BCL2L1: variants seen among roughly 807,000 people sequenced by gnomAD.
BCL2L1 encodes BCL2 like 1, also known as bcl-2-like protein 1.
A neutral mutation model predicts 18.7 loss-of-function variants in BCL2L1; 1 was observed. That is an observed-to-expected ratio of 0.05 (90% CI 0.02 to 0.25). The LOEUF is 0.25. Among genes scored for constraint, BCL2L1 ranks in the 10% least tolerant of loss-of-function variants. The pLI, the probability that BCL2L1 is intolerant of heterozygous loss-of-function variation, is 1.00. For missense variants in BCL2L1, 207 were observed against 304.9 expected, an observed-to-expected ratio of 0.68 and a Z score of 2.39; for synonymous variants, 103 against 122.7, an observed-to-expected ratio of 0.84 and a Z score of 1.06.
chr20:31,694,010 A>G (rs1436111081), intron 2 of BCL2L1, among the ~76,000 whole-genome samples: 1 of 152,130 alleles, frequency 6.6e-6, no homozygotes, highest in Admixed American at 6.5e-5. Context: ...GTAACAACTA[A>G]CTCAACATAT....
intron 2 of BCL2L1, among the ~76,000 whole-genome samples, chr20:31,681,550 A>C (rs1365306782): frequency 1.3e-5 from 2 of 152,210 alleles, no homozygotes; most frequent in Non-Finnish European, 2.9e-5. Context: ...CTGAGGTGGG[A>C]GGACTGCTGG....
chr20:31,723,909 T>C (rs2061675232), upstream of BCL2L1: 2 of 985,300 alleles, frequency 2.0e-6, no homozygotes, highest in Non-Finnish European at 2.4e-6. Context: ...CCGGCCTCAG[T>C]TTCCCCTGAA....
chr20:31,723,433 T>C, upstream of BCL2L1: 4 of 985,418 alleles, frequency 4.1e-6, no homozygotes, highest in Non-Finnish European at 4.8e-6. Flanking sequence ...AGTGGCTTTC[T>C]GGCGCCCCCG....
chr20:31,683,769 C>CAAAA (rs372160646), intron 2 of BCL2L1, among the ~76,000 whole-genome samples: 10 of 80,706 alleles, frequency 1.2e-4, no homozygotes, highest in Middle Eastern at 0.01. Context: ...AACTCCATCT[C>CAAAA]AAAAAAAAAA....
In BCL2L1 at chr20:31,668,049, C is replaced by T. The variant is rs188890272; in HGVS notation, c.565-1963G>A. On this transcript the variant is annotated intron_variant, in intron 2 of 2. Transcript: ENST00000307677. ...GGGATCTGGCTCCAACACTTTCTGG[C>T]CTCCTCCCCACCCCTGTCCCCTGAA... Among the ~76,000 whole-genome samples, 214 of 152,240 alleles carry T rather than the reference C, an allele frequency of 1.4e-3. 3 individuals carry two copies. The highest frequency in any genetic ancestry group is 8.3e-3 in the East Asian group (43 of 5,178).
intron 2 of BCL2L1, among the ~76,000 whole-genome samples, chr20:31,671,235 C>T (rs752503254): frequency 2.6e-5 from 4 of 152,180 alleles, no homozygotes; most frequent in East Asian, 1.9e-4. Context: ...GCCCATTCTA[C>T]GTTTCCACTG....
At chr20:31,703,493 G>GTTT (rs34123351) in intron 2 of BCL2L1, among the ~76,000 whole-genome samples, 1 of 133,802 alleles carries the variant, frequency 7.5e-6, no homozygotes, top group African/African-American at 2.7e-5. Context: ...CTTGGTGGTT[G>GTTT]TTTTTTTTTT....
In BCL2L1 at chr20:31,664,668, A is replaced by G. The variant is rs867739143; in HGVS notation, c.*1281T>C. On this transcript the variant is annotated 3_prime_UTR_variant, in exon 3 of 3. Coordinates refer to ENST00000307677, the MANE Select transcript of BCL2L1 (RefSeq NM_138578.3). ...GCACCAGCTCTCCACGTGCACGCGC[A>G]CTGCAAGCCAGCAGCTCCTCACACA... is the stretch of plus-strand genomic sequence containing the variant. 5.6e-5 allele frequency: 12 copies of G among 214,684 alleles called. No individual in the cohort carries two copies. The highest frequency in any genetic ancestry group is 2.7e-4 in the African/African-American group (12 of 44,200). The allele number at this position is 214,684 out of a possible 1,614,324, so 13.3% of individuals were successfully genotyped here. A position where few individuals can be genotyped will look rare whatever the true frequency, so the allele number is the denominator to read the frequency against.
rs892007792 is a variant in BCL2L1, at chr20:31,720,209, G to A, written c.564+1446C>T. The A allele has an allele frequency of 3.8e-5, 36 of 954,926 alleles. No homozygotes were observed. The South Asian group carries it at 1.5e-3, about 39-fold the overall frequency. The allele number at this position is 954,926 out of a possible 1,614,324, so 59.2% of individuals were successfully genotyped here. On this transcript the variant is annotated intron_variant, in intron 2 of 2. Coordinates refer to ENST00000307677, the MANE Select transcript of BCL2L1 (RefSeq NM_138578.3). Reference sequence around the variant, plus strand: ...GGCACAGACGAGTTGAAATTGCAAAGAAATGCAAAATGAGAGAGGGGGTGG... The same window carrying A: ...GGCACAGACGAGTTGAAATTGCAAAAAAATGCAAAATGAGAGAGGGGGTGG...
At chr20:31,711,446 T>C (rs756262652) in intron 2 of BCL2L1, among the ~76,000 whole-genome samples, 3 of 152,136 alleles carry the variant, frequency 2.0e-5, no homozygotes, top group Non-Finnish European at 4.4e-5. Flanking sequence ...GGATGGCACA[T>C]GTAGACTGAT....
intron 2 of BCL2L1, among the ~76,000 whole-genome samples, chr20:31,719,750 G>A (rs1382750215): frequency 6.6e-6 from 1 of 152,174 alleles, no homozygotes; most frequent in East Asian, 1.9e-4. Context: ...TCTGGTAGGG[G>A]TAGCCTTCTG....
intron 2 of BCL2L1, among the ~76,000 whole-genome samples, chr20:31,683,765 A>G (rs2060904347): frequency 9.5e-6 from 1 of 104,896 alleles, no homozygotes. Flanking sequence ...GTGAAACTCC[A>G]TCTCAAAAAA....
chr20:31,707,162 A>ACCTCTACTG (rs2061379619), intron 2 of BCL2L1, among the ~76,000 whole-genome samples: 1 of 152,170 alleles, frequency 6.6e-6, no homozygotes, highest in Admixed American at 6.6e-5. Flanking sequence ...CACTGGCCAA[A>ACCTCTACTG]CCTCTACTGT....
intron 2 of BCL2L1, among the ~76,000 whole-genome samples, chr20:31,711,214 C>T (rs1422035031): frequency 3.9e-5 from 6 of 152,194 alleles, no homozygotes; most frequent in African/African-American, 1.4e-4. Flanking sequence ...TTACATTTCA[C>T]TTTCTCATTC....
At chr20:31,688,121 C>T (rs1164337456) in intron 2 of BCL2L1, among the ~76,000 whole-genome samples, 3 of 151,986 alleles carry the variant, frequency 2.0e-5, no homozygotes, top group Non-Finnish European at 4.4e-5. Flanking sequence ...TATCTTATAT[C>T]CAGGGCCAGG....
At chr20:31,675,046 G>A (rs1170363162) in intron 2 of BCL2L1, among the ~76,000 whole-genome samples, 1 of 152,112 alleles carries the variant, frequency 6.6e-6, no homozygotes, top group Non-Finnish European at 1.5e-5. Context: ...GGGAACTGGT[G>A]CCACAGGAAA....
intron 2 of BCL2L1, among the ~76,000 whole-genome samples, chr20:31,718,650 C>G (rs1418768365): frequency 6.8e-6 from 1 of 147,138 alleles, no homozygotes; most frequent in Non-Finnish European, 1.5e-5. Context: ...AGCGAGACTC[C>G]GTCTCAAAAA....
intron 2 of BCL2L1, among the ~76,000 whole-genome samples, chr20:31,684,761 G>A (rs7264942): frequency 7.9e-5 from 12 of 152,210 alleles, no homozygotes; most frequent in Admixed American, 6.5e-4. Flanking sequence ...GAGGGGCTTA[G>A]TGAACACGGC....
intron 2 of BCL2L1, among the ~76,000 whole-genome samples, chr20:31,667,484 C>CGTGTGTGTGTGTGTGT (rs3073682): frequency 0.1 from 13,968 of 135,078 alleles, 991 homozygotes; most frequent in African/African-American, 0.15. Flanking sequence ...ACCATAGTAC[C>CGTGTGTGTGTGTGTGT]GTGTGTGTGT....
Sources: allele counts gnomAD v4.1 joint callset (sites outside exome capture counted in the v4.1 genomes callset), GRCh38; gene constraint gnomAD v4.1.1; transcripts MANE v1.5; gene names NCBI Gene and HGNC (gene_info 2026-07-23, HGNC 2026-07-21).